The following PTPRR variants were observed in gnomAD, a reference collection of about 807,000 sequenced individuals.
PTPRR encodes the protein protein tyrosine phosphatase receptor type R, also known as receptor-type tyrosine-protein phosphatase R.
A neutral mutation model predicts 77.2 loss-of-function variants in PTPRR; 38 were observed. That is an observed-to-expected ratio of 0.49 (90% CI 0.38 to 0.65). The LOEUF (loss-of-function observed/expected upper bound fraction) is 0.65. Ranked by LOEUF, PTPRR falls within the 30% of genes least tolerant of loss-of-function variation. The pLI is 0.00. For synonymous variants in PTPRR, 299 were observed against 283.1 expected (o/e 1.06, Z -0.57); for missense variants, 744 against 799.2 (o/e 0.93, Z 0.83).
intron 8 of PTPRR, among the ~76,000 whole-genome samples, chr12:70,693,933 T>C (rs929732596): frequency 6.6e-6 from 1 of 152,086 alleles, no homozygotes; most frequent in African/African-American, 2.4e-5. Context: ...GCTGAGGGCT[T>C]ACTATTAGTT....
chr12:70,645,794 T>C (rs1886173919), intron 13 of PTPRR, among the ~76,000 whole-genome samples: 1 of 151,780 alleles, frequency 6.6e-6, no homozygotes, highest in African/African-American at 2.4e-5. Context: ...CACGTAGCTG[T>C]GTCAGCTGGG....
At chr12:70,761,866 T>A (rs947446092) in intron 3 of PTPRR, among the ~76,000 whole-genome samples, 1 of 152,234 alleles carries the variant, frequency 6.6e-6, no homozygotes, top group Non-Finnish European at 1.5e-5. Context: ...AATTTTATAT[T>A]TCAGTGCATG....
rs529547383 is a variant in PTPRR, at chr12:70,884,871, C to CAAAAAAAAAAAAAA, written c.357+7794_357+7807dup. Among the ~76,000 whole-genome samples, 171 of 53,926 alleles carry CAAAAAAAAAAAAAA rather than the reference C, an allele frequency of 3.2e-3. 6 individuals are homozygous for CAAAAAAAAAAAAAA. Among genetic ancestry groups the CAAAAAAAAAAAAAA allele is most frequent in the African/African-American group, 0.012 (130 of 10,730 alleles). 35.4% of individuals were successfully genotyped at this position (53,926 alleles called of 152,430 possible). A position where few individuals can be genotyped will look rare whatever the true frequency, so the allele number is the denominator to read the frequency against. On this transcript the variant is annotated intron_variant, in intron 2 of 13. Transcript: ENST00000283228. ...TGGGCAACAGAGCAAAACTCTGTCT[C>CAAAAAAAAAAAAAA]AAAAAAAAAAAAAAAAAAAAAAAAA...
chr12:70,847,172 G>A (rs1892499494), intron 2 of PTPRR, among the ~76,000 whole-genome samples: 1 of 152,214 alleles, frequency 6.6e-6, no homozygotes, highest in Non-Finnish European at 1.5e-5. Context: ...CACAGTTTAT[G>A]CAGCTGTAAC....
At chr12:70,919,673 GTTTTTTTTTTTTTTTT>G (rs58439089) in intron 1 of PTPRR, among the ~76,000 whole-genome samples, 5 of 110,080 alleles carry the variant, frequency 4.5e-5, no homozygotes, top group Admixed American at 3.2e-4. Flanking sequence ...AACTGTAATT[GTTTTTTTTTTTTTTTT>G]TTTTTTTTTT....
chr12:70,841,945 T>C (rs942359711), intron 2 of PTPRR, among the ~76,000 whole-genome samples: 37 of 152,210 alleles, frequency 2.4e-4, no homozygotes, highest in African/African-American at 8.7e-4. Context: ...CTATTAGCAT[T>C]GTCAATTTCC....
At chr12:70,789,210 T>C (rs538769053) in intron 2 of PTPRR, among the ~76,000 whole-genome samples, 2 of 152,140 alleles carry the variant, frequency 1.3e-5, no homozygotes, top group East Asian at 1.9e-4. Flanking sequence ...TGTATACATA[T>C]GTAACAAACC....
At chr12:70,754,329 G>A (rs375203646) in intron 4 of PTPRR, 28 bp from the exon 5 acceptor site, 2 of 1,611,060 alleles carry the variant, frequency 1.2e-6, no homozygotes, top group Non-Finnish European at 8.5e-7. Flanking sequence ...AAAGTCCGAC[G>A]TTAAATGAGA....
At chr12:70,807,063 G>A (rs1367227763) in intron 2 of PTPRR, among the ~76,000 whole-genome samples, 2 of 152,190 alleles carry the variant, frequency 1.3e-5, no homozygotes, top group Non-Finnish European at 2.9e-5. Context: ...TTCCTTATAA[G>A]AAAGACATGC....
At chr12:70,746,168 G>T in intron 5 of PTPRR, 82 bp from the exon 6 acceptor site, 1 of 1,312,634 alleles carries the variant, frequency 7.6e-7, no homozygotes, top group Non-Finnish European at 1.0e-6. Context: ...CACCCTGGCC[G>T]ACAAACCAAA....
At chr12:70,733,902 T>A (rs1328786313) in intron 6 of PTPRR, among the ~76,000 whole-genome samples, 3 of 151,896 alleles carry the variant, frequency 2.0e-5, no homozygotes, top group Non-Finnish European at 2.9e-5. Flanking sequence ...GAGAGGAGAG[T>A]GGTGCCTCAC....
At chr12:70,832,106 C>G (rs1055499194) in intron 2 of PTPRR, among the ~76,000 whole-genome samples, 1 of 152,244 alleles carries the variant, frequency 6.6e-6, no homozygotes, top group Non-Finnish European at 1.5e-5. Flanking sequence ...TAAAGCAGCA[C>G]TATTCATTTA....
At chr12:70,704,714 A>G (rs1392022804) in intron 6 of PTPRR, among the ~76,000 whole-genome samples, 1 of 152,158 alleles carries the variant, frequency 6.6e-6, no homozygotes, top group Non-Finnish European at 1.5e-5. Flanking sequence ...CAAAAACAAG[A>G]TAAACATATA....
chr12:70,895,020 A>G (rs1274637151), intron 1 of PTPRR, among the ~76,000 whole-genome samples: 2 of 151,736 alleles, frequency 1.3e-5, no homozygotes, highest in South Asian at 4.1e-4. Flanking sequence ...TTCTCATACT[A>G]TTATATCGTG....
intron 2 of PTPRR, among the ~76,000 whole-genome samples, chr12:70,806,801 T>G (rs1891718263): frequency 6.6e-6 from 1 of 152,180 alleles, no homozygotes; most frequent in South Asian, 2.1e-4. Flanking sequence ...ATGATCTTAC[T>G]CTAAATCAGA....
At chr12:70,880,555 G>T (rs1244144573) in intron 2 of PTPRR, among the ~76,000 whole-genome samples, 1 of 151,850 alleles carries the variant, frequency 6.6e-6, no homozygotes, top group East Asian at 1.9e-4. Flanking sequence ...ATGTTCATTT[G>T]TTTACTTGTT....
intron 2 of PTPRR, among the ~76,000 whole-genome samples, chr12:70,790,785 T>C (rs1459227621): frequency 2.0e-5 from 3 of 152,046 alleles, no homozygotes; most frequent in African/African-American, 7.2e-5. Context: ...GAGGTTGCAG[T>C]GAGCCAAGAT....
At chr12:70,776,026 C>T (rs555206367) in intron 2 of PTPRR, among the ~76,000 whole-genome samples, 1 of 152,052 alleles carries the variant, frequency 6.6e-6, no homozygotes, top group African/African-American at 2.4e-5. Flanking sequence ...ACATTTCCAC[C>T]TTTCTCATGG....
chr12:70,770,075 T>A (rs887247930), intron 2 of PTPRR, among the ~76,000 whole-genome samples: 3 of 151,174 alleles, frequency 2.0e-5, no homozygotes, highest in African/African-American at 2.4e-5. Context: ...AACCTAGGCA[T>A]TACCATTCAG....
Sources: allele counts gnomAD v4.1 joint callset (sites outside exome capture counted in the v4.1 genomes callset), GRCh38; gene constraint gnomAD v4.1.1; transcripts MANE v1.5; gene names NCBI Gene and HGNC (gene_info 2026-07-23, HGNC 2026-07-21).